The following NYAP2 variants were observed in gnomAD, a reference collection of about 807,000 sequenced individuals.
The protein encoded by NYAP2 is neuronal tyrosine-phosphorylated phosphoinositide-3-kinase adapter 2.
Under a neutral mutation model 50.4 loss-of-function variants are expected in NYAP2, and 23 were observed. The ratio of observed to expected loss-of-function variants is 0.46; its 90% CI spans 0.33 to 0.65. NYAP2 has a LOEUF of 0.65. NYAP2 is among the 30% of genes least tolerant of loss of function. NYAP2 has a pLI of 0.02. For synonymous variants in NYAP2, 394 were observed against 365.2 expected (o/e 1.08, Z -0.90); for missense variants, 885 against 861.0 (o/e 1.03, Z -0.35).
chr2:225,521,421 A>G (rs1382523954), intron 4 of NYAP2, among the ~76,000 whole-genome samples: 1 of 151,202 alleles, frequency 6.6e-6, no homozygotes, highest in Non-Finnish European at 1.5e-5. Context: ...TGTCATAGAT[A>G]GCTCTTATTA....
At chr2:225,646,459 G>GAGAAT (rs1693637293) in intron 6 of NYAP2, among the ~76,000 whole-genome samples, 2 of 152,176 alleles carry the variant, frequency 1.3e-5, no homozygotes, top group Admixed American at 1.3e-4. Context: ...GCTGAGGCAG[G>GAGAAT]AGAATCACTT....
chr2:225,485,404 C>G (rs1690273648), intron 3 of NYAP2, among the ~76,000 whole-genome samples: 1 of 152,168 alleles, frequency 6.6e-6, no homozygotes. Context: ...AACTCTCAAA[C>G]CATGTTAGCA....
At chr2:225,413,419 G>A (rs973861452) in intron 3 of NYAP2, among the ~76,000 whole-genome samples, 1 of 152,056 alleles carries the variant, frequency 6.6e-6, no homozygotes, top group Non-Finnish European at 1.5e-5. Flanking sequence ...TTAGAGCTGT[G>A]GAATCTCAAG....
At chr2:225,632,655 A>C (rs1574720741) in intron 6 of NYAP2, among the ~76,000 whole-genome samples, 2 of 152,348 alleles carry the variant, frequency 1.3e-5, no homozygotes, top group African/African-American at 4.8e-5. Context: ...AAGGCAGTGG[A>C]GAACTGGGAC....
At chr2:225,644,366 G>A (rs1358738392) in intron 6 of NYAP2, among the ~76,000 whole-genome samples, 8 of 150,660 alleles carry the variant, frequency 5.3e-5, no homozygotes, top group Non-Finnish European at 7.4e-5. Flanking sequence ...AGTAGGTTGC[G>A]AAAATTTTCT....
chr2:225,446,216 G>GTCTCTCTCTCTCTCTC (rs1271105292), intron 3 of NYAP2, among the ~76,000 whole-genome samples: 1 of 69,666 alleles, frequency 1.4e-5, no homozygotes, highest in Non-Finnish European at 3.3e-5. Flanking sequence ...CTGTCTGTCT[G>GTCTCTCTCTCTCTCTC]TCTCTCTCTC....
chr2:225,445,424 G>A (rs918356146), intron 3 of NYAP2, among the ~76,000 whole-genome samples: 1 of 151,744 alleles, frequency 6.6e-6, no homozygotes. Context: ...TATTTCTGAT[G>A]CTTAATTTGA....
intron 2 of NYAP2, among the ~76,000 whole-genome samples, chr2:225,404,324 C>T (rs566195765): frequency 6.6e-5 from 10 of 151,816 alleles, no homozygotes; most frequent in South Asian, 6.2e-4. Context: ...AAAGAAAAAA[C>T]GAGTTGTTTT....
At chr2:225,453,994 T>A (rs753415654) in intron 3 of NYAP2, among the ~76,000 whole-genome samples, 2 of 152,004 alleles carry the variant, frequency 1.3e-5, no homozygotes, top group Non-Finnish European at 2.9e-5. Flanking sequence ...AATTTTTTTA[T>A]AGAGCAATTA....
intron 3 of NYAP2, among the ~76,000 whole-genome samples, chr2:225,421,494 G>T (rs1218934212): frequency 6.6e-6 from 1 of 152,154 alleles, no homozygotes; most frequent in African/African-American, 2.4e-5. Context: ...GAAAGACAAT[G>T]GGGAAATATC....
At chr2:225,680,388 T>G in the NYAP2 span, among the ~76,000 whole-genome samples, 1 of 152,088 alleles carries the variant, frequency 6.6e-6, no homozygotes, top group East Asian at 1.9e-4. Flanking sequence ...TCTTATAGAG[T>G]AGATTCTGTC....
chr2:225,678,601 C>G, the NYAP2 span, among the ~76,000 whole-genome samples: 2 of 152,064 alleles, frequency 1.3e-5, no homozygotes, highest in Non-Finnish European at 2.9e-5. Flanking sequence ...AGAAGTCAAT[C>G]TTTTCTTCAA....
intron 4 of NYAP2, among the ~76,000 whole-genome samples, chr2:225,516,229 T>A (rs1227241139): frequency 6.6e-6 from 1 of 152,170 alleles, no homozygotes; most frequent in Non-Finnish European, 1.5e-5. Context: ...CTCTCTCAGA[T>A]GCCTTCACCA....
At chr2:225,648,503 G>A (rs1693674648) in intron 6 of NYAP2, among the ~76,000 whole-genome samples, 1 of 152,118 alleles carries the variant, frequency 6.6e-6, no homozygotes, top group East Asian at 1.9e-4. Flanking sequence ...GATGTGAGCA[G>A]AGAGATTATG....
Position 225,409,113 on chromosome 2 carries a change from T to G in NYAP2, c.221+12T>G, listed in dbSNP as rs1217023803. On this transcript the variant is annotated intron_variant, in intron 3 of 6. Transcript: ENST00000636099. ...GAAGCAATAAAGCGGTAAATATAAA[T>G]AAAATTATTTTGAGTTTTGTGCACA... 2.6e-6 allele frequency: 4 copies of G among 1,537,416 alleles called. No homozygotes were observed. The highest frequency in any genetic ancestry group is 3.5e-6 in the Non-Finnish European group (4 of 1,134,824).
rs529513248 is a variant in NYAP2 at position 225,570,598 on chromosome 2, A to G, written c.524-11343A>G. On this transcript the variant is annotated intron_variant, in intron 4 of 6. Transcript: ENST00000636099. ...CAGATCTCATGAGAACTCACTCACT[A>G]TCATGAGAACAGCATGGGGGAAACT... Among the ~76,000 whole-genome samples, 24 of 152,270 alleles carry G rather than the reference A, an allele frequency of 1.6e-4. No homozygotes were observed. In the South Asian group the frequency reaches 4.8e-3, roughly 30 times the overall value.
the NYAP2 span, among the ~76,000 whole-genome samples, chr2:225,668,804 C>T: frequency 2.0e-5 from 3 of 152,048 alleles, no homozygotes; most frequent in African/African-American, 7.2e-5. Context: ...TGCAGTTCAT[C>T]ACCACTAGAG....
chr2:225,602,085 A>G (rs1190201627), intron 5 of NYAP2, among the ~76,000 whole-genome samples: 1 of 152,170 alleles, frequency 6.6e-6, no homozygotes, highest in Non-Finnish European at 1.5e-5. Flanking sequence ...AGCTCTCTGC[A>G]GTGAAGAGGG....
the NYAP2 span, among the ~76,000 whole-genome samples, chr2:225,691,756 T>C: frequency 6.6e-6 from 1 of 152,074 alleles, no homozygotes; most frequent in Admixed American, 6.6e-5. Flanking sequence ...CACACTGGGT[T>C]TCATGCCTTC....
Sources: allele counts gnomAD v4.1 joint callset (sites outside exome capture counted in the v4.1 genomes callset), GRCh38; gene constraint gnomAD v4.1.1; transcripts MANE v1.5; gene names NCBI Gene and HGNC (gene_info 2026-07-23, HGNC 2026-07-21).